Variants in FBXL13 observed in about 807,000 individuals in gnomAD.
FBXL13 encodes F-box and leucine rich repeat protein 13.
Under a neutral mutation model 83.6 loss-of-function variants are expected in FBXL13, and 67 were observed. The observed-to-expected ratio is 0.80, with a 90% confidence interval of 0.66 to 0.98. The LOEUF is 0.98. FBXL13 is among the 50% of genes least tolerant of loss of function. The probability of loss-of-function intolerance (pLI) is 0.00; values close to 1 mark genes in which losing one functional copy is unlikely to be tolerated. For synonymous variants in FBXL13, 272 were observed against 299.5 expected, an observed-to-expected ratio of 0.91 and a Z score of 0.95; for missense variants, 822 against 866.5, an observed-to-expected ratio of 0.95 and a Z score of 0.64.
chr7:102,883,722 A>C, intron 12 of FBXL13, 37 bp from the exon 14 acceptor site: 1 of 1,318,824 alleles, frequency 7.6e-7, no homozygotes, highest in East Asian at 2.3e-5. Context: ...AATCAAGTGT[A>C]CAGAACAGGT....
At chr7:102,908,159 C>G (rs991797338) in intron 11 of FBXL13, among the ~76,000 whole-genome samples, 1 of 152,188 alleles carries the variant, frequency 6.6e-6, no homozygotes, top group Non-Finnish European at 1.5e-5. Flanking sequence ...AGTCTTTAAG[C>G]TCACTAATTC....
intron 18 of FBXL13, among the ~76,000 whole-genome samples, chr7:102,829,485 T>C (rs1231825113): frequency 6.6e-6 from 1 of 152,192 alleles, no homozygotes; most frequent in East Asian, 1.9e-4. Flanking sequence ...CTTTAATTTT[T>C]CTCATTTCCC....
chr7:102,819,329 G>A (rs994392759), intron 19 of FBXL13, among the ~76,000 whole-genome samples: 2 of 151,976 alleles, frequency 1.3e-5, no homozygotes, highest in Non-Finnish European at 2.9e-5. Flanking sequence ...GCATCCACAC[G>A]GTGCTTCTGG....
chr7:102,973,736 CTG>C lies in FBXL13; in HGVS notation c.496-5621_496-5620del, dbSNP rs766660852. The C allele has an allele frequency of 3.9e-6, 3 of 766,096 alleles. No individual in the cohort carries two copies. In the African/African-American group the frequency reaches 5.1e-5, roughly 13 times the overall value. The allele number at this position is 766,096 out of a possible 1,614,324, so 47.5% of individuals were successfully genotyped here. On this transcript the variant is annotated intron_variant, in intron 6 of 19. Transcript: ENST00000313221. ...AGCTCCTCAGCCTCCAGTTGCTTCT[CTG>C]TGCATGCACATCAGTCACTGATCTC... is the stretch of plus-strand genomic sequence containing the variant.
rs564954342 is a variant in FBXL13 at position 102,915,664 on chromosome 7, A to G, written c.879-2449T>C. On this transcript the variant is annotated intron_variant, in intron 10 of 19. Coordinates refer to ENST00000313221, the Ensembl canonical transcript of FBXL13. Reference sequence around the variant, plus strand: ...CCCTTTCTTGGCATAAAGTTTTTAAATGCATAAAATAAAATATATAAGATT... The same window carrying G: ...CCCTTTCTTGGCATAAAGTTTTTAAGTGCATAAAATAAAATATATAAGATT... Among the ~76,000 whole-genome samples the G allele has an allele frequency of 2.6e-5, 4 of 152,342 alleles. No individual in the cohort carries two copies. In the South Asian group the frequency reaches 8.3e-4, roughly 32 times the overall value.
chr7:103,003,999 T>A (rs1790711161), intron 6 of FBXL13, among the ~76,000 whole-genome samples: 1 of 152,250 alleles, frequency 6.6e-6, no homozygotes, highest in Non-Finnish European at 1.5e-5. Flanking sequence ...AGAACTGTTA[T>A]TTTGAATTCT....
intron 17 of FBXL13, among the ~76,000 whole-genome samples, chr7:102,837,161 A>G (rs1802131839): frequency 6.6e-6 from 1 of 152,226 alleles, no homozygotes; most frequent in African/African-American, 2.4e-5. Flanking sequence ...TCCACCAACA[A>G]TGGCCTTGTT....
intron 10 of FBXL13, among the ~76,000 whole-genome samples, chr7:102,922,800 G>A (rs1397801557): frequency 2.0e-5 from 3 of 151,506 alleles, no homozygotes; most frequent in Non-Finnish European, 2.9e-5. Flanking sequence ...GTGAAACCCC[G>A]TCTCTACTAA....
At chr7:102,892,782 C>T (rs765994512) in intron 11 of FBXL13, among the ~76,000 whole-genome samples, 1 of 152,168 alleles carries the variant, frequency 6.6e-6, no homozygotes, top group African/African-American at 2.4e-5. Context: ...ATTTTTACCA[C>T]ATTAGCATTA....
intron 17 of FBXL13, among the ~76,000 whole-genome samples, chr7:102,852,408 G>A (rs551497849): frequency 3.8e-4 from 58 of 152,044 alleles, no homozygotes; most frequent in Non-Finnish European, 7.2e-4. Context: ...AATGCACAGA[G>A]TGGGAGAAAA....
intron 16 of FBXL13, among the ~76,000 whole-genome samples, chr7:102,861,982 C>CAAAAAAA (rs59375342): frequency 0.18 from 20,726 of 118,226 alleles, 1,659 homozygotes; most frequent in East Asian, 0.37. Flanking sequence ...ACTGTGTCTC[C>CAAAAAAA]AAAAAAAAAA....
At chr7:102,835,415 G>A (rs1208045962) in intron 17 of FBXL13, among the ~76,000 whole-genome samples, 1 of 152,104 alleles carries the variant, frequency 6.6e-6, no homozygotes, top group Non-Finnish European at 1.5e-5. Flanking sequence ...CAATAAAAAT[G>A]CAATAAGCCC....
chr7:102,841,612 A>T (rs1802954593), intron 17 of FBXL13, among the ~76,000 whole-genome samples: 1 of 152,232 alleles, frequency 6.6e-6, no homozygotes, highest in African/African-American at 2.4e-5. Context: ...GTCAAATCCC[A>T]CATCCTTTGA....
chr7:102,965,174 T>G (rs1825846309), intron 7 of FBXL13, among the ~76,000 whole-genome samples: 1 of 152,140 alleles, frequency 6.6e-6, no homozygotes, highest in Non-Finnish European at 1.5e-5. Context: ...ATGCTGCTAG[T>G]TAGGGGAAAG....
chr7:102,969,430 T>A (rs189644028), intron 6 of FBXL13, among the ~76,000 whole-genome samples: 1 of 151,540 alleles, frequency 6.6e-6, no homozygotes, highest in East Asian at 1.9e-4. Flanking sequence ...ATGACACACT[T>A]CTCAAAAGGT....
chr7:103,064,646 T>A (rs1420329353), intron 1 of FBXL13, among the ~76,000 whole-genome samples: 3 of 152,174 alleles, frequency 2.0e-5, no homozygotes, highest in Non-Finnish European at 4.4e-5. Context: ...GTATCTCCCA[T>A]CCTCCATGTT....
At chr7:102,941,369 C>T (rs1821390424) in intron 8 of FBXL13, among the ~76,000 whole-genome samples, 1 of 152,066 alleles carries the variant, frequency 6.6e-6, no homozygotes, top group East Asian at 1.9e-4. Context: ...CACTTCGACC[C>T]CCTATGATTC....
At chr7:102,854,906 A>G (rs1253123038) in intron 16 of FBXL13, 46 bp from the exon 18 acceptor site, 2 of 1,098,646 alleles carry the variant, frequency 1.8e-6, no homozygotes, top group Middle Eastern at 4.5e-4. Context: ...ATCATTTAGT[A>G]TGGAATATAT....
chr7:103,028,887 T>C (rs1344264124), intron 3 of FBXL13, 139 bp from the exon 5 acceptor site: 2 of 597,610 alleles, frequency 3.3e-6, no homozygotes, highest in Non-Finnish European at 5.1e-6. Context: ...TTCTACAACT[T>C]GGGTATGACC....
Sources: gnomAD v4.1 joint callset for allele counts (sites outside exome capture counted in the v4.1 genomes callset) on GRCh38, gnomAD v4.1.1 for gene constraint, MANE v1.5 for transcripts, NCBI Gene and HGNC (gene_info 2026-07-23, HGNC 2026-07-21) for gene names.